The following ESRRG variants were observed in gnomAD, a reference collection of about 807,000 sequenced individuals.
The protein encoded by ESRRG is estrogen-related receptor gamma.
ESRRG carries 13 observed loss-of-function variants against 44.0 expected under a neutral mutation model. The observed-to-expected ratio is 0.30, with a 90% CI of 0.19 to 0.47. The LOEUF is 0.47. Among genes scored for constraint, ESRRG ranks in the 20% least tolerant of loss-of-function variants. The pLI is 1.00. For missense variants in ESRRG, 395 were observed against 580.6 expected (o/e 0.68, Z 3.29); for synonymous variants, 215 against 214.6 (o/e 1.00, Z -0.02).
chr1:216,999,075 G>C (rs2076706213), intron 1 of ESRRG, among the ~76,000 whole-genome samples: 1 of 152,186 alleles, frequency 6.6e-6, no homozygotes, highest in South Asian at 2.1e-4. Context: ...TGTCAGAAAA[G>C]AGAATGCTGT....
chr1:216,661,936 C>A (rs528340446), intron 2 of ESRRG, among the ~76,000 whole-genome samples: 1 of 152,196 alleles, frequency 6.6e-6, no homozygotes, highest in South Asian at 2.1e-4. Flanking sequence ...ATTGGGCTGC[C>A]TTGTTCTACC....
chr1:216,784,295 G>T (rs991285665), intron 2 of ESRRG, among the ~76,000 whole-genome samples: 12 of 151,824 alleles, frequency 7.9e-5, no homozygotes, highest in African/African-American at 2.9e-4. Context: ...TTGTTGTCAA[G>T]ATTTTTCTCT....
chr1:216,797,684 T>G (rs2094510359), intron 2 of ESRRG, among the ~76,000 whole-genome samples: 1 of 152,138 alleles, frequency 6.6e-6, no homozygotes, highest in South Asian at 2.1e-4. Context: ...TTGTGGGTTT[T>G]TTGGGGAGGG....
At chr1:216,822,337 G>C (rs7512365) in intron 2 of ESRRG, among the ~76,000 whole-genome samples, 113,729 of 152,070 alleles carry the variant, frequency 0.75, 42,756 homozygotes, top group African/African-American at 0.79. Context: ...ATAGCTAACA[G>C]TTGGAGGAAA....
Position 216,566,469 on chromosome 1 carries a change from C to A in ESRRG, c.700+1519G>T, listed in dbSNP as rs901274903. 3.9e-5 allele frequency among the ~76,000 whole-genome samples: 6 copies of A among 152,148 alleles called. 1 individual carries two copies. In the South Asian group the frequency reaches 6.2e-4, roughly 16 times the overall value. On this transcript the variant is annotated intron_variant, in intron 4 of 6. Coordinates refer to ENST00000408911, the MANE Select transcript of ESRRG (RefSeq NM_001438.4). ...TACTTGACAAGCCACTTCCCAATTT[C>A]TCAGGTTTACGAAGAAAACCATAGA...
chr1:216,520,140 A>G (rs2045645176), intron 5 of ESRRG, among the ~76,000 whole-genome samples: 1 of 152,208 alleles, frequency 6.6e-6, no homozygotes, highest in South Asian at 2.1e-4. Flanking sequence ...AAAGTTAAAT[A>G]TAAATAAAGG....
intron 1 of ESRRG, among the ~76,000 whole-genome samples, chr1:217,100,233 T>C (rs1440416481): frequency 1.3e-5 from 2 of 152,194 alleles, no homozygotes; most frequent in Non-Finnish European, 2.9e-5. Context: ...AGGCTGTACT[T>C]TATATGACAA....
chr1:216,969,984 T>C (rs1450233835), intron 1 of ESRRG, among the ~76,000 whole-genome samples: 1 of 152,198 alleles, frequency 6.6e-6, no homozygotes, highest in Non-Finnish European at 1.5e-5. Flanking sequence ...GTGAATTCTC[T>C]TGAATCTGAG....
chr1:216,797,406 T>C (rs1309663496), intron 2 of ESRRG, among the ~76,000 whole-genome samples: 1 of 152,076 alleles, frequency 6.6e-6, no homozygotes, highest in Non-Finnish European at 1.5e-5. Context: ...CCAAATACCT[T>C]CTCAGTTTCC....
In ESRRG at chr1:216,595,387, C is replaced by T. The variant is rs572980892; in HGVS notation, c.590-27289G>A. On this transcript the variant is annotated intron_variant, in intron 3 of 6. Transcript: ENST00000408911. ...ACATGGCACAGCTGCTATATTCTTG[C>T]ATAATCAATTATGATTGAATTTATT... Among the ~76,000 whole-genome samples, 166 of 152,156 alleles carry T rather than the reference C, an allele frequency of 1.1e-3. 1 individual carries two copies. Among genetic ancestry groups the T allele is most frequent in the Admixed American group, 3.0e-3 (46 of 15,278 alleles).
chr1:216,859,629 C>T (rs545638253), intron 2 of ESRRG, among the ~76,000 whole-genome samples: 1 of 152,150 alleles, frequency 6.6e-6, no homozygotes, highest in South Asian at 2.1e-4. Context: ...TTGGAAAAAC[C>T]TCATGATTCA....
intron 3 of ESRRG, among the ~76,000 whole-genome samples, chr1:216,619,561 G>A (rs748053164): frequency 2.0e-5 from 3 of 152,044 alleles, no homozygotes; most frequent in Non-Finnish European, 4.4e-5. Context: ...TTTTCTCTTC[G>A]AAACGGTATC....
chr1:216,943,407 G>A (rs2065569023), intron 1 of ESRRG, among the ~76,000 whole-genome samples: 1 of 152,140 alleles, frequency 6.6e-6, no homozygotes, highest in Non-Finnish European at 1.5e-5. Flanking sequence ...TAAATACAGA[G>A]CAAGAAAGAT....
chr1:216,772,149 C>A (rs545645560), intron 2 of ESRRG, among the ~76,000 whole-genome samples: 17 of 152,036 alleles, frequency 1.1e-4, no homozygotes, highest in Non-Finnish European at 2.2e-4. Context: ...AGAATGGAGG[C>A]CCCATCTAAA....
intron 2 of ESRRG, among the ~76,000 whole-genome samples, chr1:216,780,855 GT>G (rs1303691414): frequency 6.6e-6 from 1 of 151,864 alleles, no homozygotes; most frequent in Non-Finnish European, 1.5e-5. Context: ...AGCATGAGAG[GT>G]TAAAATGTGA....
intron 2 of ESRRG, among the ~76,000 whole-genome samples, chr1:216,846,099 C>T (rs550037886): frequency 1.3e-5 from 2 of 152,206 alleles, no homozygotes; most frequent in East Asian, 3.9e-4. Flanking sequence ...CAAAATTTAA[C>T]CTATAAATCC....
At chr1:216,760,333 T>C (rs1002725985) in intron 2 of ESRRG, among the ~76,000 whole-genome samples, 40 of 151,750 alleles carry the variant, frequency 2.6e-4, no homozygotes, top group Non-Finnish European at 5.6e-4. Context: ...AGAAAAGATA[T>C]AGAGAATAAT....
intron 2 of ESRRG, among the ~76,000 whole-genome samples, chr1:216,656,396 C>A (rs1394404814): frequency 2.0e-5 from 3 of 152,146 alleles, no homozygotes; most frequent in African/African-American, 7.2e-5. Context: ...AAAGATAGAG[C>A]AATTTATAAT....
intron 5 of ESRRG, among the ~76,000 whole-genome samples, chr1:216,545,232 T>C (rs2054139592): frequency 7.0e-6 from 1 of 142,106 alleles, no homozygotes; most frequent in Admixed American, 6.9e-5. Context: ...ATTTTTATGT[T>C]TTTTTTTTTT....
Sources: gnomAD v4.1 joint callset for allele counts (sites outside exome capture counted in the v4.1 genomes callset) on GRCh38, gnomAD v4.1.1 for gene constraint, MANE v1.5 for transcripts, NCBI Gene and HGNC (gene_info 2026-07-23, HGNC 2026-07-21) for gene names.